The following CALB1 variants were observed in gnomAD, a reference collection of about 807,000 sequenced individuals.
CALB1 encodes calbindin 1.
In CALB1, 16 loss-of-function variants were observed where a neutral mutation model predicts 46.7. That is an observed-to-expected ratio of 0.34 (90% confidence interval 0.23 to 0.52). The LOEUF (loss-of-function observed/expected upper bound fraction) is 0.52, where lower values mean the gene tolerates loss of function less well. Among genes scored for constraint, CALB1 ranks in the 20% least tolerant of loss-of-function variants. The pLI is 0.95. For missense variants in CALB1, 224 were observed against 300.3 expected, an observed-to-expected ratio of 0.75 and a Z score of 1.88; for synonymous variants, 90 against 112.8, an observed-to-expected ratio of 0.80 and a Z score of 1.28.
intron 3 of CALB1, among the ~76,000 whole-genome samples, chr8:90,070,317 C>T (rs1328275320): frequency 2.0e-5 from 3 of 152,152 alleles, no homozygotes; most frequent in Admixed American, 6.5e-5. Flanking sequence ...CCCTAGATCA[C>T]GGGCATGGAC....
chr8:90,075,437 G>A (rs576932870), intron 3 of CALB1, among the ~76,000 whole-genome samples: 2 of 152,246 alleles, frequency 1.3e-5, no homozygotes, highest in East Asian at 3.9e-4. Context: ...AAGTTAATGT[G>A]TGCTTGATGT....
At chr8:90,067,999 A>G (rs1051816472) in intron 5 of CALB1, among the ~76,000 whole-genome samples, 2 of 152,128 alleles carry the variant, frequency 1.3e-5, no homozygotes, top group Non-Finnish European at 2.9e-5. Flanking sequence ...ATATTAACTC[A>G]CTTATATTTT....
chr8:90,078,346 A>T (rs1283019898), intron 3 of CALB1, 27 bp downstream of exon 3: 4 of 1,398,882 alleles, frequency 2.9e-6, no homozygotes, highest in Non-Finnish European at 4.0e-6. Flanking sequence ...ATTAAAATTA[A>T]ATCAGAAAAA....
chr8:90,082,061 GGA>G lies in CALB1; in HGVS notation c.119_120del (p.Ile40ThrfsTer17). The G allele has an allele frequency of 6.2e-7, 1 of 1,613,982 alleles. No homozygotes were observed. The highest frequency in any genetic ancestry group is 8.5e-7 in the Non-Finnish European group (1 of 1,179,958). ...YLEGKELQNL[I>X]QELQQARKKA... ...TTCTTTCGCGCCTGCTGGAGCTCCT[GGA>G]TCAAGTTCTGCAGCTCCTTTCCTTC... On this transcript the variant is annotated frameshift_variant, in exon 2 of 11. Transcript: ENST00000265431. LOFTEE classifies it high-confidence loss of function.
intron 1 of CALB1, 137 bp from the exon 2 acceptor site, chr8:90,082,239 A>G (rs1814746501): frequency 9.6e-6 from 7 of 729,900 alleles, no homozygotes; most frequent in Non-Finnish European, 1.4e-5. Context: ...AGCAAAGTGT[A>G]CAGACGGTGA....
chr8:90,074,391 C>T (rs1410380014), intron 3 of CALB1, among the ~76,000 whole-genome samples: 1 of 152,092 alleles, frequency 6.6e-6, no homozygotes, highest in Non-Finnish European at 1.5e-5. Flanking sequence ...GGGTAAATGG[C>T]CTGCTCTCAC....
In CALB1 at chr8:90,082,787, A is replaced by T; in HGVS notation, c.-90T>A. The T allele has an allele frequency of 7.7e-7, 1 of 1,299,070 alleles. No individual in the cohort carries two copies. Among genetic ancestry groups the T allele is most frequent in the South Asian group, 1.2e-5 (1 of 84,582 alleles). 80.5% of individuals were successfully genotyped at this position (1,299,070 alleles called of 1,614,324 possible). A position where few individuals can be genotyped will look rare whatever the true frequency, so the allele number is the denominator to read the frequency against. ...TGAGCAAAAGCTCAGCGTGTGCGCG[A>T]GTCAGGGCTGCGGAGGGAGACCTGG... is the stretch of plus-strand genomic sequence containing the variant. On this transcript the variant is annotated 5_prime_UTR_variant, in exon 1 of 11. Transcript: ENST00000265431.
chr8:90,082,311 G>T (rs190372128), intron 1 of CALB1: 216 of 606,418 alleles, frequency 3.6e-4, no homozygotes, highest in Admixed American at 1.1e-3. Context: ...GATGGTTGGG[G>T]TGCTAAGCGC....
rs139129276 is a variant in CALB1, at chr8:90,082,707, G to A, written c.-10C>T. On this transcript the variant is annotated 5_prime_UTR_variant, in exon 1 of 11. Coordinates refer to ENST00000265431, the MANE Select transcript of CALB1 (RefSeq NM_004929.4). ...GGTGGGATTCTGCCATTGTACAGCG[G>A]GGTGTGTGTCTGGGTGTGTGAATAT... 4 of 1,613,208 alleles carry A rather than the reference G, an allele frequency of 2.5e-6. No homozygotes were observed. In the African/African-American group the frequency reaches 5.3e-5, roughly 22 times the overall value.
chr8:90,073,467 C>T (rs1814569077), intron 3 of CALB1, among the ~76,000 whole-genome samples: 1 of 152,198 alleles, frequency 6.6e-6, no homozygotes, highest in African/African-American at 2.4e-5. Context: ...TCAGAACTCA[C>T]TGTAGGGTCA....
Position 90,060,056 on chromosome 8 carries a change from A to G in CALB1, c.*117T>C. 2.9e-6 allele frequency: 2 copies of G among 678,412 alleles called. No homozygotes were observed. Among genetic ancestry groups the G allele is most frequent in the Non-Finnish European group, 5.3e-6 (2 of 376,702 alleles). 42.0% of individuals were successfully genotyped at this position (678,412 alleles called of 1,614,324 possible). ...AAGAATGAGCCACACATCCTGGATA[A>G]TTATCTATATGCAGTTAAATTTACA... On this transcript the variant is annotated 3_prime_UTR_variant, in exon 11 of 11. Coordinates refer to ENST00000265431, the MANE Select transcript of CALB1 (RefSeq NM_004929.4).
chr8:90,074,944 T>C (rs1244987820), intron 3 of CALB1, among the ~76,000 whole-genome samples: 2 of 152,224 alleles, frequency 1.3e-5, no homozygotes, highest in African/African-American at 2.4e-5. Context: ...TCTTCCTTTT[T>C]AATTATTTTA....
intron 3 of CALB1, among the ~76,000 whole-genome samples, chr8:90,071,530 T>A (rs1246653774): frequency 6.6e-6 from 1 of 152,018 alleles, no homozygotes; most frequent in African/African-American, 2.4e-5. Context: ...AATAATACTT[T>A]CCTGGAGGGA....
chr8:90,071,447 C>T (rs1814514426), intron 3 of CALB1, among the ~76,000 whole-genome samples: 2 of 152,042 alleles, frequency 1.3e-5, no homozygotes, highest in African/African-American at 4.8e-5. Flanking sequence ...AGTGGGTGGG[C>T]TCGGCATGGA....
chr8:90,065,983 A>G lies in CALB1; in HGVS notation c.373-8T>C. The stretch of plus-strand genomic sequence containing the variant: ...CAGGTCCTTTAGAAAGTTCTGTTAA[A>G]ACAAAGAACACTTAGATTAATTTCA... On this transcript the variant is annotated splice_polypyrimidine_tract_variant and splice_region_variant and intron_variant, in intron 5 of 10. Transcript: ENST00000265431. The G allele has an allele frequency of 6.4e-7, 1 of 1,560,738 alleles. No homozygotes were observed. The highest frequency in any genetic ancestry group is 8.8e-7 in the Non-Finnish European group (1 of 1,132,370).
Position 90,081,603 on chromosome 8 carries a change from T to G in CALB1, c.156+423A>C, listed in dbSNP as rs184795940. 8.3e-4 allele frequency: 240 copies of G among 289,294 alleles called. 2 individuals carry two copies. The highest frequency in any genetic ancestry group is 4.9e-3 in the African/African-American group (217 of 44,064). The allele number at this position is 289,294 out of a possible 1,614,324, so 17.9% of individuals were successfully genotyped here. On this transcript the variant is annotated intron_variant, in intron 2 of 10. Coordinates refer to ENST00000265431, the MANE Select transcript of CALB1 (RefSeq NM_004929.4). Reference sequence around the variant, plus strand: ...GAATTTAAAAATTACCTAATCAAACTCAGTGGTAGAGGTGGTGATCCGCTA... The same window carrying G: ...GAATTTAAAAATTACCTAATCAAACGCAGTGGTAGAGGTGGTGATCCGCTA...
At chr8:90,082,414 T>G (rs986537764) in intron 1 of CALB1, 50 of 616,112 alleles carry the variant, frequency 8.1e-5, no homozygotes, top group Non-Finnish European at 1.3e-4. Context: ...TTTAAGGTTT[T>G]GGGATTACGG....
chr8:90,066,704 TTTAAG>T (rs1411032479), intron 5 of CALB1, among the ~76,000 whole-genome samples: 1 of 152,084 alleles, frequency 6.6e-6, no homozygotes, highest in African/African-American at 2.4e-5. Flanking sequence ...TAGGAATGAA[TTTAAG>T]TTTTTTTAAC....
At chr8:90,069,577 A>G (rs1413522328) in intron 3 of CALB1, among the ~76,000 whole-genome samples, 2 of 152,102 alleles carry the variant, frequency 1.3e-5, no homozygotes, top group Non-Finnish European at 2.9e-5. Flanking sequence ...TATGCCACAG[A>G]TTAGTGTTCT....
Sources: allele counts gnomAD v4.1 joint callset (sites outside exome capture counted in the v4.1 genomes callset), GRCh38; gene constraint gnomAD v4.1.1; transcripts MANE v1.5; gene names NCBI Gene and HGNC (gene_info 2026-07-23, HGNC 2026-07-21).